TLE1: variants seen among roughly 807,000 people sequenced by gnomAD.
TLE1 encodes the protein transducin-like enhancer protein 1.
A neutral mutation model predicts 89.8 loss-of-function variants in TLE1; 21 were observed. The ratio of observed to expected loss-of-function variants is 0.23; its 90% confidence interval spans 0.17 to 0.34. The LOEUF is 0.34. Among genes scored for constraint, TLE1 ranks in the 10% least tolerant of loss-of-function variants. TLE1 has a pLI of 1.00. For missense variants in TLE1, 795 were observed against 1,031.2 expected (o/e 0.77, Z 3.14); for synonymous variants, 447 against 407.6 (o/e 1.10, Z -1.16).
chr9:81,645,239 A>T (rs1460309699), intron 6 of TLE1, among the ~76,000 whole-genome samples: 1 of 150,898 alleles, frequency 6.6e-6, no homozygotes, highest in East Asian at 2.0e-4. Context: ...CATGTCTGTA[A>T]TCCCAGCTAC....
At chr9:81,667,598 GC>G (rs1473916357) in intron 4 of TLE1, among the ~76,000 whole-genome samples, 1 of 151,882 alleles carries the variant, frequency 6.6e-6, no homozygotes, top group African/African-American at 2.4e-5. Flanking sequence ...GGAGATCTAG[GC>G]CCCCAGTGCC....
intron 14 of TLE1, among the ~76,000 whole-genome samples, chr9:81,598,800 G>A (rs1830538478): frequency 6.6e-6 from 1 of 152,196 alleles, no homozygotes; most frequent in Admixed American, 6.5e-5. Context: ...CAATAATGAA[G>A]TGAAATCCAT....
chr9:81,592,382 G>A (rs1246292780), intron 15 of TLE1, among the ~76,000 whole-genome samples: 1 of 152,122 alleles, frequency 6.6e-6, no homozygotes, highest in African/African-American at 2.4e-5. Flanking sequence ...AAAGAGATCC[G>A]AACATGTCCC....
chr9:81,661,957 G>A (rs1048838845), intron 4 of TLE1, among the ~76,000 whole-genome samples: 1 of 152,302 alleles, frequency 6.6e-6, no homozygotes, highest in East Asian at 1.9e-4. Context: ...TGTCTTGGAA[G>A]GCAACTGGGC....
At chr9:81,650,047 C>T (rs1057358185) in intron 6 of TLE1, among the ~76,000 whole-genome samples, 1 of 152,186 alleles carries the variant, frequency 6.6e-6, no homozygotes, top group South Asian at 2.1e-4. Flanking sequence ...GCCTAAGTCT[C>T]GCTTGCATTG....
rs148132074 is a variant in TLE1, at chr9:81,611,838, G to T, written c.1185C>A (p.His395Gln). ...TSPGAAYASL[H>Q]NMSPQMSAAA... The stretch of plus-strand genomic sequence containing the variant: ...CGGCGCTCATCTGGGGCGACATGTT[G>T]TGTAAACTGGCGTAGGCAGCGCCTG... Residue 395 changes from histidine to glutamine, a missense_variant, in exon 13 of 20, where the codon CAC becomes CAA. By Grantham distance (24) the His-to-Gln change is conservative. Around this residue, in one of 4 missense-constraint regions of TLE1, gnomAD observed 468 missense variants for 509.1 expected, o/e 0.92. Coordinates refer to ENST00000376499, the MANE Select transcript of TLE1 (RefSeq NM_005077.5). The T allele has an allele frequency of 3.7e-4, 585 of 1,561,616 alleles. No individual in the cohort carries two copies. Among genetic ancestry groups the T allele is most frequent in the Non-Finnish European group, 4.6e-4 (537 of 1,158,516 alleles).
At chr9:81,650,181 T>G (rs1238543966) in intron 6 of TLE1, among the ~76,000 whole-genome samples, 1 of 152,198 alleles carries the variant, frequency 6.6e-6, no homozygotes, top group Non-Finnish European at 1.5e-5. Flanking sequence ...TCATTTGCCC[T>G]TCTAAAAAGA....
intron 14 of TLE1, among the ~76,000 whole-genome samples, chr9:81,605,769 G>A (rs1324030407): frequency 6.6e-6 from 1 of 151,684 alleles, no homozygotes; most frequent in Non-Finnish European, 1.5e-5. Context: ...ATAGACAAAT[G>A]GGATCTAATT....
chr9:81,636,490 G>A (rs566766452), intron 6 of TLE1, among the ~76,000 whole-genome samples: 3 of 152,082 alleles, frequency 2.0e-5, no homozygotes, highest in South Asian at 4.2e-4. Flanking sequence ...ACAAGCAAGT[G>A]CAGCGGGTAA....
intron 13 of TLE1, among the ~76,000 whole-genome samples, chr9:81,611,237 G>A (rs552139434): frequency 7.9e-5 from 12 of 152,306 alleles, no homozygotes; most frequent in Non-Finnish European, 1.8e-4. Flanking sequence ...GCCTGCCCCC[G>A]TGGTTCAGTC....
chr9:81,654,301 CTA>C (rs1251082127), intron 4 of TLE1, among the ~76,000 whole-genome samples: 1 of 152,088 alleles, frequency 6.6e-6, no homozygotes. Flanking sequence ...CGGTTTAAGG[CTA>C]TATGATCATT....
chr9:81,599,890 ACT>A (rs1191774988), intron 14 of TLE1: 1 of 508,342 alleles, frequency 2.0e-6, no homozygotes, highest in African/African-American at 1.9e-5. Context: ...AGAGGCATAC[ACT>A]CTATTTTCAT....
chr9:81,666,625 A>C (rs1831492776), intron 4 of TLE1, among the ~76,000 whole-genome samples: 1 of 151,882 alleles, frequency 6.6e-6, no homozygotes, highest in South Asian at 2.1e-4. Flanking sequence ...AAATACAAAA[A>C]TTAGCCAGGC....
At chr9:81,641,876 G>C (rs1217188114) in intron 6 of TLE1, among the ~76,000 whole-genome samples, 1 of 152,138 alleles carries the variant, frequency 6.6e-6, no homozygotes, top group Non-Finnish European at 1.5e-5. Flanking sequence ...TACAAAATTA[G>C]CCAGGTGTGG....
chr9:81,655,557 G>A (rs1175607275), intron 4 of TLE1, among the ~76,000 whole-genome samples: 3 of 151,682 alleles, frequency 2.0e-5, no homozygotes, highest in Non-Finnish European at 4.4e-5. Context: ...CCTCTACCTA[G>A]GAAGAACCAG....
At chr9:81,655,108 G>A (rs538574183) in intron 4 of TLE1, among the ~76,000 whole-genome samples, 45 of 152,096 alleles carry the variant, frequency 3.0e-4, no homozygotes, top group Middle Eastern at 3.2e-3. Context: ...GCTCGCGCCT[G>A]TAATCCCAGC....
intron 10 of TLE1, 104 bp downstream of exon 10, chr9:81,616,542 G>T (rs1587982503): frequency 1.7e-6 from 2 of 1,186,300 alleles, no homozygotes; most frequent in East Asian, 2.4e-5. Flanking sequence ...GTTGCAAGAG[G>T]TCCCCCCACC....
chr9:81,623,388 G>A (rs931352821), intron 8 of TLE1, among the ~76,000 whole-genome samples: 4 of 152,182 alleles, frequency 2.6e-5, no homozygotes, highest in African/African-American at 9.6e-5. Context: ...CGAATGCTAT[G>A]TTGTCTGGGT....
At chr9:81,685,920 T>A (rs1372310702) in intron 2 of TLE1, 24 bp from the exon 3 acceptor site, 1 of 1,611,636 alleles carries the variant, frequency 6.2e-7, no homozygotes, top group African/African-American at 1.3e-5. Context: ...ACAGGCAACT[T>A]AATGTAAACA....
Sources: gnomAD v4.1 joint callset for allele counts (sites outside exome capture counted in the v4.1 genomes callset) on GRCh38, gnomAD v4.1.1 for gene constraint, gnomAD v4.1.1 regional missense constraint, MANE v1.5 for transcripts, NCBI Gene and HGNC (gene_info 2026-07-23, HGNC 2026-07-21) for gene names.